Variants in GSE1 observed in about 807,000 individuals in gnomAD.
GSE1 encodes Gse1 coiled-coil protein, also known as genetic suppressor element 1.
Under a neutral mutation model 112.6 loss-of-function variants are expected in GSE1, and 32 were observed. That is an observed-to-expected ratio of 0.28 (90% CI 0.21 to 0.38). GSE1 has a LOEUF of 0.38. Among genes scored for constraint, GSE1 ranks in the 10% least tolerant of loss-of-function variants. GSE1 has a pLI of 1.00. For synonymous variants in GSE1, 1,115 were observed against 735.6 expected (o/e 1.52, Z -8.35); for missense variants, 2,348 against 1,699.2 (o/e 1.38, Z -6.71).
intron 2 of GSE1, among the ~76,000 whole-genome samples, chr16:85,427,078 C>T (rs940466538): frequency 1.2e-4 from 19 of 152,134 alleles, no homozygotes; most frequent in Non-Finnish European, 2.5e-4. Flanking sequence ...TGGGAACAGG[C>T]TCAGTATGTG....
At chr16:85,611,033 G>A (rs1358814853), upstream of GSE1, among the ~76,000 whole-genome samples, 6 of 152,352 alleles carry the variant, frequency 3.9e-5, no homozygotes, top group East Asian at 1.2e-3. Flanking sequence ...TGGCCCAAGG[G>A]CCTCTCCAAG....
chr16:85,423,508 C>G (rs1357180140), intron 2 of GSE1, among the ~76,000 whole-genome samples: 3 of 152,188 alleles, frequency 2.0e-5, no homozygotes, highest in Non-Finnish European at 2.9e-5. Flanking sequence ...TTCCAGTGTG[C>G]AGCCAGGGCC....
chr16:85,570,222 G>T (rs1354146515), intron 1 of GSE1, among the ~76,000 whole-genome samples: 1 of 152,174 alleles, frequency 6.6e-6, no homozygotes, highest in Admixed American at 6.5e-5. Flanking sequence ...CCCTTGGTCA[G>T]TGTCCATCTT....
chr16:85,568,425 A>G (rs1158177003), intron 1 of GSE1, among the ~76,000 whole-genome samples: 2 of 152,242 alleles, frequency 1.3e-5, no homozygotes, highest in African/African-American at 4.8e-5. Flanking sequence ...CAGAGGCAAG[A>G]TGGGCCCCTC....
chr16:85,510,133 C>T (rs2051684582), intron 2 of GSE1, among the ~76,000 whole-genome samples: 1 of 152,234 alleles, frequency 6.6e-6, no homozygotes, highest in South Asian at 2.1e-4. Flanking sequence ...CTCAGGGCTC[C>T]CTGCCTGCCC....
At chr16:85,626,073 G>C (rs916241587) in intron 1 of GSE1, among the ~76,000 whole-genome samples, 1 of 152,146 alleles carries the variant, frequency 6.6e-6, no homozygotes. Flanking sequence ...GGTTTCTGGG[G>C]CATAGACCTT....
At chr16:85,538,980 C>T (rs879272813) in intron 2 of GSE1, among the ~76,000 whole-genome samples, 11 of 152,160 alleles carry the variant, frequency 7.2e-5, no homozygotes, top group African/African-American at 1.9e-4. Context: ...CTCTGCCATC[C>T]GGGCCACCAT....
chr16:85,292,997 G>C (rs2045266747), intron 1 of GSE1, among the ~76,000 whole-genome samples: 1 of 152,136 alleles, frequency 6.6e-6, no homozygotes, highest in African/African-American at 2.4e-5. Flanking sequence ...TTAAGTGTCC[G>C]TTTTGAAGAG....
intron 1 of GSE1, among the ~76,000 whole-genome samples, chr16:85,350,313 C>T (rs1338795503): frequency 2.6e-5 from 4 of 152,124 alleles, no homozygotes; most frequent in Admixed American, 1.3e-4. Flanking sequence ...TCAGCAGTGC[C>T]GGCTTCCTGG....
chr16:85,307,959 G>A (rs922977316), intron 1 of GSE1, among the ~76,000 whole-genome samples: 9 of 152,202 alleles, frequency 5.9e-5, no homozygotes. Flanking sequence ...TTTGGATTCA[G>A]CTGTGAAGCT....
rs192984326 is a variant in GSE1 at position 85,630,026 on chromosome 16, C to T, written c.8-3888C>T. ...CTACTTGAGATGTTGGCTGGGGCTG[C>T]GGTCTCATCAGAAGGCCAGCCTGGG... On this transcript the variant is annotated intron_variant, in intron 1 of 15. Transcript: ENST00000253458. Among the ~76,000 whole-genome samples, 384 of 152,264 alleles carry T rather than the reference C, an allele frequency of 2.5e-3. 8 individuals carry two copies. The highest frequency in any genetic ancestry group is 0.021 in the Admixed American group (326 of 15,298).
chr16:85,659,681 A>G (rs1174715647), intron 8 of GSE1: 1 of 152,284 alleles, frequency 6.6e-6, no homozygotes, highest in East Asian at 1.9e-4. Context: ...TCTCTTAAAA[A>G]TAAGCTGGAA....
At chr16:85,416,066 A>G (rs1184598912) in intron 2 of GSE1, among the ~76,000 whole-genome samples, 1 of 152,180 alleles carries the variant, frequency 6.6e-6, no homozygotes, top group East Asian at 1.9e-4. Flanking sequence ...GATGAGCATT[A>G]AAGCCGGGCC....
chr16:85,626,348 C>G (rs1020720289), intron 1 of GSE1, among the ~76,000 whole-genome samples: 2 of 152,350 alleles, frequency 1.3e-5, no homozygotes, highest in African/African-American at 4.8e-5. Flanking sequence ...CCCGTGCAGC[C>G]TCAGCCGCCA....
At chr16:85,449,010 C>G (rs1419267174) in intron 2 of GSE1, among the ~76,000 whole-genome samples, 1 of 152,238 alleles carries the variant, frequency 6.6e-6, no homozygotes, top group African/African-American at 2.4e-5. Context: ...AGCAGGAGGC[C>G]TCTCAGGCGT....
intron 1 of GSE1, among the ~76,000 whole-genome samples, chr16:85,238,907 C>T (rs1217798081): frequency 5.3e-5 from 8 of 152,088 alleles, no homozygotes; most frequent in Non-Finnish European, 7.4e-5. Flanking sequence ...CCTGCACACC[C>T]GGGCCTGGGG....
chr16:85,620,352 C>T (rs1021422077), intron 1 of GSE1, among the ~76,000 whole-genome samples: 2 of 152,244 alleles, frequency 1.3e-5, no homozygotes, highest in Non-Finnish European at 2.9e-5. Flanking sequence ...GTGGATTCTT[C>T]CAACTGAATT....
At chr16:85,591,485 T>G (rs1012630720) in intron 1 of GSE1, among the ~76,000 whole-genome samples, 1 of 152,248 alleles carries the variant, frequency 6.6e-6, no homozygotes, top group Non-Finnish European at 1.5e-5. Flanking sequence ...ACTGGTTCTT[T>G]GCAAACAGCC....
chr16:85,369,517 C>T (rs1195912335), intron 2 of GSE1, among the ~76,000 whole-genome samples: 1 of 152,146 alleles, frequency 6.6e-6, no homozygotes, highest in Admixed American at 6.5e-5. Flanking sequence ...CATGAGCCCC[C>T]ACTTGCTCCT....
Sources: allele counts gnomAD v4.1 joint callset (sites outside exome capture counted in the v4.1 genomes callset), GRCh38; gene constraint gnomAD v4.1.1; transcripts MANE v1.5; gene names NCBI Gene and HGNC (gene_info 2026-07-23, HGNC 2026-07-21).